The following INSIG2 variants were observed in gnomAD, a reference collection of about 807,000 sequenced individuals.
INSIG2 encodes insulin induced gene 2.
A neutral mutation model predicts 27.2 loss-of-function variants in INSIG2; 10 were observed. The ratio of observed to expected loss-of-function variants is 0.37; its 90% CI spans 0.23 to 0.62. The LOEUF is 0.62. Among genes scored for constraint, INSIG2 ranks in the 20% least tolerant of loss-of-function variants. The pLI, the probability that INSIG2 is intolerant of heterozygous loss-of-function variation, is 0.65. For missense variants in INSIG2, 178 were observed against 270.2 expected, an observed-to-expected ratio of 0.66 and a Z score of 2.39; for synonymous variants, 97 against 95.8, an observed-to-expected ratio of 1.01 and a Z score of -0.07.
At chr2:118,103,783 C>T (rs1044986534) in intron 3 of INSIG2, among the ~76,000 whole-genome samples, 2 of 151,632 alleles carry the variant, frequency 1.3e-5, no homozygotes, top group Admixed American at 6.6e-5. Flanking sequence ...TAATCAATAC[C>T]GACAAACCAC....
At chr2:118,092,890 G>A (rs1423681526) in intron 1 of INSIG2, among the ~76,000 whole-genome samples, 2 of 145,450 alleles carry the variant, frequency 1.4e-5, no homozygotes, top group African/African-American at 5.2e-5. Context: ...TGATGAGGAC[G>A]AGGAGAGTTC....
intron 5 of INSIG2, 150 bp from the exon 6 acceptor site, chr2:118,108,131 C>T: frequency 1.9e-6 from 1 of 534,082 alleles, no homozygotes; most frequent in South Asian, 2.5e-5. Flanking sequence ...GTCATTTAAT[C>T]ATAGTAATTA....
chr2:118,098,486 C>A (rs1678463773), intron 2 of INSIG2, among the ~76,000 whole-genome samples: 1 of 152,150 alleles, frequency 6.6e-6, no homozygotes, highest in African/African-American at 2.4e-5. Context: ...CCACATGTCA[C>A]ATGCTGGGGA....
At position 118,110,400 on chromosome 2, in the gene INSIG2, G is replaced by A. The variant is rs1357718212; in HGVS notation, c.*2078G>A. 6.6e-5 allele frequency: 10 copies of A among 152,056 alleles called. No homozygotes were observed. The allele number at this position is 152,056 out of a possible 1,614,324, so 9.4% of individuals were successfully genotyped here. On this transcript the variant is annotated 3_prime_UTR_variant, in exon 6 of 6. Coordinates refer to ENST00000245787, the MANE Select transcript of INSIG2 (RefSeq NM_016133.4). Reference sequence around the variant, plus strand: ...TCAGTGGAAGTGGACCATCCTAAAAGTCTTCACTCATGCTATCTTCATGCT... The same window carrying A: ...TCAGTGGAAGTGGACCATCCTAAAAATCTTCACTCATGCTATCTTCATGCT...
At position 118,108,369 on chromosome 2, in the gene INSIG2, T is replaced by G. The variant is rs773696224; in HGVS notation, c.*47T>G. On this transcript the variant is annotated 3_prime_UTR_variant, in exon 6 of 6. Coordinates refer to ENST00000245787, the MANE Select transcript of INSIG2 (RefSeq NM_016133.4). Reference sequence around the variant, plus strand: ...GTACAGAAAAGCAAGATGAAAAGGATGTGAAATGGTAGATATACCAACAAA... The same window carrying G: ...GTACAGAAAAGCAAGATGAAAAGGAGGTGAAATGGTAGATATACCAACAAA... The G allele has an allele frequency of 6.9e-7, 1 of 1,443,202 alleles. No homozygotes were observed. The highest frequency in any genetic ancestry group is 9.6e-7 in the Non-Finnish European group (1 of 1,036,682). 89.4% of individuals were successfully genotyped at this position (1,443,202 alleles called of 1,614,324 possible). A position where few individuals can be genotyped will look rare whatever the true frequency, so the allele number is the denominator to read the frequency against.
intron 2 of INSIG2, among the ~76,000 whole-genome samples, chr2:118,098,047 C>T (rs1192410825): frequency 6.6e-6 from 1 of 152,188 alleles, no homozygotes; most frequent in Non-Finnish European, 1.5e-5. Flanking sequence ...GGTTATCATT[C>T]TCCAAGAGAA....
In INSIG2 at chr2:118,101,585, G is replaced by A. The variant is rs971112782; in HGVS notation, c.245-1612G>A. On this transcript the variant is annotated intron_variant, in intron 2 of 5. Coordinates refer to ENST00000245787, the MANE Select transcript of INSIG2 (RefSeq NM_016133.4). ...GGAGGATATATATGGTGGGGGGATG[G>A]GGGTGACAAATGAGCTGTTAGTTTT... Among the ~76,000 whole-genome samples, 4 of 133,114 alleles carry A rather than the reference G, an allele frequency of 3.0e-5. No homozygotes were observed. In the South Asian group the frequency reaches 9.3e-4, roughly 31 times the overall value. 87.3% of individuals were successfully genotyped at this position (133,114 alleles called of 152,430 possible).
intron 2 of INSIG2, among the ~76,000 whole-genome samples, chr2:118,098,910 G>C (rs1022404326): frequency 6.6e-6 from 1 of 152,196 alleles, no homozygotes; most frequent in South Asian, 2.1e-4. Flanking sequence ...TTGGGCAAAA[G>C]AAAGTAGAGA....
At chr2:118,092,702 G>A (rs1278412746) in intron 1 of INSIG2, among the ~76,000 whole-genome samples, 3 of 152,076 alleles carry the variant, frequency 2.0e-5, no homozygotes, top group Non-Finnish European at 2.9e-5. Context: ...TGTAAAATGA[G>A]GATGATAATG....
At chr2:118,089,202 C>G (rs1678166568) in intron 1 of INSIG2, among the ~76,000 whole-genome samples, 1 of 152,008 alleles carries the variant, frequency 6.6e-6, no homozygotes, top group African/African-American at 2.4e-5. Flanking sequence ...TGGGAGTGGG[C>G]GCGGGCAATG....
intron 3 of INSIG2, among the ~76,000 whole-genome samples, chr2:118,103,950 C>A (rs1678612250): frequency 6.6e-6 from 1 of 152,172 alleles, no homozygotes; most frequent in South Asian, 2.1e-4. Flanking sequence ...CCCTATTCCC[C>A]TTCCCCTTTC....
intron 3 of INSIG2, among the ~76,000 whole-genome samples, chr2:118,104,780 G>A (rs575960091): frequency 1.9e-4 from 29 of 152,164 alleles, no homozygotes; most frequent in African/African-American, 7.0e-4. Context: ...CTCTCTGTCC[G>A]GTGGATTAGA....
At chr2:118,092,883 T>TGATGATGAG (rs980674682) in intron 1 of INSIG2, among the ~76,000 whole-genome samples, 12 of 139,478 alleles carry the variant, frequency 8.6e-5, no homozygotes, top group Non-Finnish European at 1.4e-4. Context: ...ATGATGATGA[T>TGATGATGAG]GAGGACGAGG....
intron 1 of INSIG2, among the ~76,000 whole-genome samples, chr2:118,091,865 A>G (rs1046680434): frequency 1.3e-5 from 2 of 152,222 alleles, no homozygotes; most frequent in Admixed American, 1.3e-4. Flanking sequence ...TGAAGTCTGT[A>G]GCAATCAGTG....
intron 1 of INSIG2, among the ~76,000 whole-genome samples, chr2:118,092,413 A>C (rs1282748339): frequency 6.6e-6 from 1 of 152,140 alleles, no homozygotes; most frequent in African/African-American, 2.4e-5. Context: ...ATCTTTGTGC[A>C]ATTGTATAGT....
chr2:118,107,533 C>G (rs1253707437), intron 5 of INSIG2, among the ~76,000 whole-genome samples: 1 of 152,136 alleles, frequency 6.6e-6, no homozygotes, highest in African/African-American at 2.4e-5. Context: ...AAGTGTGTTG[C>G]TACAATAGGT....
Position 118,110,153 on chromosome 2 carries a change from C to T in INSIG2, c.*1831C>T, listed in dbSNP as rs1352160835. ...TGAAAAGAAACTAAATATAGTTGAC[C>T]CTTGAACAACAGGAGTTAGGGGCAC... On this transcript the variant is annotated 3_prime_UTR_variant, in exon 6 of 6. Coordinates refer to ENST00000245787, the MANE Select transcript of INSIG2 (RefSeq NM_016133.4). 6.6e-6 allele frequency: 1 copy of T among 151,830 alleles called. No individual in the cohort carries two copies. The highest frequency in any genetic ancestry group is 1.5e-5 in the Non-Finnish European group (1 of 67,952). 9.4% of individuals were successfully genotyped at this position (151,830 alleles called of 1,614,324 possible).
At chr2:118,104,844 T>A (rs1484000369) in intron 3 of INSIG2, among the ~76,000 whole-genome samples, 1 of 152,228 alleles carries the variant, frequency 6.6e-6, no homozygotes, top group African/African-American at 2.4e-5. Flanking sequence ...TAGAGAAATT[T>A]AAATAGCCTT....
intron 1 of INSIG2, among the ~76,000 whole-genome samples, chr2:118,089,613 T>G (rs191003663): frequency 1.3e-3 from 197 of 152,370 alleles, no homozygotes; most frequent in African/African-American, 4.6e-3. Flanking sequence ...TCCTGTTTTC[T>G]GTCTTTCATT....
Sources: gnomAD v4.1 joint callset for allele counts (sites outside exome capture counted in the v4.1 genomes callset) on GRCh38, gnomAD v4.1.1 for gene constraint, MANE v1.5 for transcripts, NCBI Gene and HGNC (gene_info 2026-07-23, HGNC 2026-07-21) for gene names.